The following FRYL variants were observed in gnomAD, a reference collection of about 807,000 sequenced individuals.
FRYL encodes the protein FRY like transcription coactivator, also known as protein furry homolog-like.
A neutral mutation model predicts 351.2 loss-of-function variants in FRYL; 150 were observed. The ratio of observed to expected loss-of-function variants is 0.43; its 90% CI spans 0.37 to 0.49. FRYL has a LOEUF of 0.49. FRYL is among the 20% of genes least tolerant of loss of function. FRYL has a pLI of 0.00. For missense variants in FRYL, 3,036 were observed against 3,619.3 expected (o/e 0.84, Z 4.13); for synonymous variants, 1,153 against 1,257.1 (o/e 0.92, Z 1.75).
Position 48,595,924 on chromosome 4 carries a change from T to C in FRYL, c.1112A>G (p.Lys371Arg), listed in dbSNP as rs1578272211. The part of the protein sequence containing the change: ...RLLWVYVIRI[K>R]CESNTVTQSR... The stretch of plus-strand genomic sequence containing the variant: ...TTGAGTTACAGTGTTGCTTTCACAT[T>C]TTATTCTAATTACATAAACCCACAA... The change falls in exon 14 of 64, where the codon AAA becomes AGA. Residue 371 changes from lysine to arginine, a missense_variant. This residue lies in a region of FRYL where 457 missense variants were observed against 566.6 expected (regional missense o/e 0.81). Transcript: ENST00000358350. 6.2e-7 allele frequency: 1 copy of C among 1,600,102 alleles called. No individual in the cohort carries two copies. The highest frequency in any genetic ancestry group is 1.3e-5 in the African/African-American group (1 of 74,388).
chr4:48,744,380 T>A (rs545128790), intron 1 of FRYL, among the ~76,000 whole-genome samples: 1 of 152,070 alleles, frequency 6.6e-6, no homozygotes, highest in African/African-American at 2.4e-5. Flanking sequence ...AGAAAGCCAG[T>A]CAGCCTGTGA....
At chr4:48,744,460 A>C (rs572080207) in intron 1 of FRYL, among the ~76,000 whole-genome samples, 313 of 152,352 alleles carry the variant, frequency 2.1e-3, no homozygotes, top group South Asian at 7.5e-3. Context: ...TTACTCTTTC[A>C]AAGTCACTGA....
intron 1 of FRYL, among the ~76,000 whole-genome samples, chr4:48,778,548 A>C (rs1290315664): frequency 6.6e-6 from 1 of 152,254 alleles, no homozygotes; most frequent in East Asian, 1.9e-4. Context: ...AGTATTGCAC[A>C]AGAAGAAACT....
chr4:48,645,458 C>T (rs1433255272), intron 3 of FRYL, among the ~76,000 whole-genome samples: 3 of 152,104 alleles, frequency 2.0e-5, no homozygotes, highest in African/African-American at 7.2e-5. Flanking sequence ...ATATTTCTCA[C>T]TGTAAATTAG....
intron 3 of FRYL, among the ~76,000 whole-genome samples, chr4:48,639,806 C>T (rs931017565): frequency 2.0e-5 from 3 of 151,998 alleles, no homozygotes; most frequent in African/African-American, 7.2e-5. Flanking sequence ...ACTCTTAAAA[C>T]TCAACCACCA....
chr4:48,523,360 G>T, intron 53 of FRYL: 1 of 370,300 alleles, frequency 2.7e-6, no homozygotes, highest in Non-Finnish European at 4.9e-6. Flanking sequence ...GTATTACTGG[G>T]GACCAAGTAA....
At chr4:48,616,614 T>TA (rs1363657041) in intron 7 of FRYL, among the ~76,000 whole-genome samples, 2 of 152,178 alleles carry the variant, frequency 1.3e-5, no homozygotes, top group Non-Finnish European at 2.9e-5. Context: ...ACAAAAGAGA[T>TA]AGAGTCCTTC....
At chr4:48,779,816 C>G (rs992512209) in intron 1 of FRYL, among the ~76,000 whole-genome samples, 7 of 151,578 alleles carry the variant, frequency 4.6e-5, no homozygotes, top group African/African-American at 1.7e-4. Flanking sequence ...GCGGAACCGC[C>G]GGAGCTCGGG....
chr4:48,675,033 A>C (rs114785916), intron 3 of FRYL, among the ~76,000 whole-genome samples: 1 of 152,134 alleles, frequency 6.6e-6, no homozygotes, highest in Non-Finnish European at 1.5e-5. Flanking sequence ...TATGACTTCA[A>C]GTTTCAATTT....
intron 49 of FRYL, among the ~76,000 whole-genome samples, chr4:48,533,233 T>A (rs557172138): frequency 2.9e-4 from 44 of 152,232 alleles, no homozygotes; most frequent in Admixed American, 2.9e-3. Flanking sequence ...ATGTGGTATA[T>A]GTTTCTATGT....
At chr4:48,687,297 G>A (rs1765231111) in intron 2 of FRYL, among the ~76,000 whole-genome samples, 1 of 152,024 alleles carries the variant, frequency 6.6e-6, no homozygotes, top group South Asian at 2.1e-4. Flanking sequence ...AAACAAAAAA[G>A]TTCAAATAAA....
intron 13 of FRYL, chr4:48,598,889 T>C (rs572063658): frequency 2.5e-5 from 25 of 980,910 alleles, no homozygotes; most frequent in Non-Finnish European, 2.9e-5. Context: ...TAAAGCAATG[T>C]GAGACAGCAA....
At chr4:48,699,215 T>C (rs1169380316) in intron 2 of FRYL, among the ~76,000 whole-genome samples, 1 of 152,212 alleles carries the variant, frequency 6.6e-6, no homozygotes, top group Non-Finnish European at 1.5e-5. Context: ...GTTTGGAAGA[T>C]AAAATGCAAT....
intron 2 of FRYL, among the ~76,000 whole-genome samples, chr4:48,708,990 C>T (rs555261502): frequency 3.3e-5 from 5 of 150,700 alleles, no homozygotes; most frequent in South Asian, 2.1e-4. Context: ...GGCGCGATCT[C>T]GGCTCACTGT....
At chr4:48,764,030 C>A (rs1774689590) in intron 1 of FRYL, among the ~76,000 whole-genome samples, 2 of 151,996 alleles carry the variant, frequency 1.3e-5, no homozygotes, top group Admixed American at 1.3e-4. Context: ...TTAAGCCAGG[C>A]ATTGTGGCAG....
chr4:48,531,287 C>A lies in FRYL; in HGVS notation c.6772G>T (p.Val2258Leu). The A allele has an allele frequency of 1.2e-6, 2 of 1,613,458 alleles. No homozygotes were observed. The highest frequency in any genetic ancestry group is 1.7e-6 in the Non-Finnish European group (2 of 1,179,502). The change falls in exon 50 of 64, where the codon GTA (valine) becomes TTA (leucine). Residue 2258 changes from valine to leucine, a missense_variant. Physicochemically the swap from Val to Leu is conservative, Grantham distance 32 (BLOSUM62 1). Coordinates refer to ENST00000358350, the MANE Select transcript of FRYL (RefSeq NM_015030.2). ...LVVSRSASLV[V>L]PSDIPKTYGG... ...TAGGTCTTGGGGATATCACTGGGTA[C>A]GACAAGACTCGCAGAGCGTGACACC...
intron 32 of FRYL, among the ~76,000 whole-genome samples, chr4:48,562,515 T>C (rs1245354122): frequency 1.4e-4 from 22 of 152,196 alleles, no homozygotes; most frequent in Middle Eastern, 3.2e-3. Context: ...AAAATTTACA[T>C]GAGAATATGA....
chr4:48,554,767 T>C (rs1373137036), intron 35 of FRYL, among the ~76,000 whole-genome samples: 1 of 152,248 alleles, frequency 6.6e-6, no homozygotes, highest in Non-Finnish European at 1.5e-5. Flanking sequence ...TGTGCATTCC[T>C]GCCTTTGTGG....
rs539294075 is a variant in FRYL, at chr4:48,557,144, C to T, written c.4126-26G>A. 65 of 1,560,670 alleles carry T rather than the reference C, an allele frequency of 4.2e-5. 1 individual carries two copies. The East Asian group carries it at 1.4e-3, about 33-fold the overall frequency. On this transcript the variant is annotated intron_variant, in intron 34 of 63. Coordinates refer to ENST00000358350, the MANE Select transcript of FRYL (RefSeq NM_015030.2). ...CTAGATGCAATATGCACAAAAGATA[C>T]TTCAGTCATGACTGCCTATTATAAA...
Sources: allele counts gnomAD v4.1 joint callset (sites outside exome capture counted in the v4.1 genomes callset), GRCh38; gene constraint gnomAD v4.1.1; regional missense constraint gnomAD v4.1.1; transcripts MANE v1.5; gene names NCBI Gene and HGNC (gene_info 2026-07-23, HGNC 2026-07-21).